Variants in LRRC4C observed in about 807,000 individuals in gnomAD.
LRRC4C encodes leucine-rich repeat-containing protein 4C.
Under a neutral mutation model 33.6 loss-of-function variants are expected in LRRC4C, and 5 were observed. The observed-to-expected ratio is 0.15, with a 90% confidence interval of 0.08 to 0.31. The LOEUF is 0.31. Among genes scored for constraint, LRRC4C ranks in the 10% least tolerant of loss-of-function variants. The probability of loss-of-function intolerance (pLI) is 1.00; values close to 1 mark genes in which losing one functional copy is unlikely to be tolerated. For missense variants in LRRC4C, 560 were observed against 796.7 expected (o/e 0.70, Z 3.58); for synonymous variants, 329 against 302.0 (o/e 1.09, Z -0.93).
intron 3 of LRRC4C, among the ~76,000 whole-genome samples, chr11:40,570,953 A>G (rs566429926): frequency 6.6e-6 from 1 of 152,296 alleles, no homozygotes; most frequent in Admixed American, 6.5e-5. Context: ...GCTAAAATAC[A>G]ATTTTCTATA....
chr11:40,756,144 G>A (rs2137029310), intron 2 of LRRC4C, among the ~76,000 whole-genome samples: 1 of 152,098 alleles, frequency 6.6e-6, no homozygotes, highest in South Asian at 2.1e-4. Flanking sequence ...TTCCCTTATG[G>A]CACTTAGAGG....
intron 1 of LRRC4C, among the ~76,000 whole-genome samples, chr11:41,417,613 G>C (rs1408472402): frequency 6.6e-6 from 1 of 151,898 alleles, no homozygotes; most frequent in Non-Finnish European, 1.5e-5. Context: ...CTCAGGACCA[G>C]GATCTAAAGT....
intron 1 of LRRC4C, among the ~76,000 whole-genome samples, chr11:41,095,798 G>A (rs1406708424): frequency 1.3e-5 from 2 of 152,186 alleles, no homozygotes; most frequent in Non-Finnish European, 2.9e-5. Context: ...AGCTTTATTA[G>A]TGATAACGGT....
chr11:40,270,102 GAT>G (rs1942578611), intron 4 of LRRC4C, among the ~76,000 whole-genome samples: 1 of 152,146 alleles, frequency 6.6e-6, no homozygotes, highest in Admixed American at 6.6e-5. Flanking sequence ...TGCTGGTGGA[GAT>G]AAGGGGAGAA....
intron 1 of LRRC4C, among the ~76,000 whole-genome samples, chr11:41,143,998 G>T (rs1288056585): frequency 1.3e-5 from 2 of 152,162 alleles, no homozygotes; most frequent in African/African-American, 4.8e-5. Context: ...TTGAGAATTA[G>T]AAAACTAAGA....
intron 2 of LRRC4C, among the ~76,000 whole-genome samples, chr11:40,887,366 A>G (rs1038604833): frequency 4.6e-5 from 7 of 152,020 alleles, no homozygotes; most frequent in Non-Finnish European, 1.0e-4. Flanking sequence ...AAATAGGATG[A>G]CTAGATGCAC....
chr11:40,348,590 C>T (rs185726515), intron 3 of LRRC4C, among the ~76,000 whole-genome samples: 138 of 152,242 alleles, frequency 9.1e-4, no homozygotes, highest in African/African-American at 3.1e-3. Flanking sequence ...GGGACATTCT[C>T]ATGACCTGCA....
rs557177536 is a variant in LRRC4C, at chr11:40,159,490, T to C, written c.-95-18637A>G. Among the ~76,000 whole-genome samples, 4 of 152,294 alleles carry C rather than the reference T, an allele frequency of 2.6e-5. No homozygotes were observed. In the East Asian group the frequency reaches 5.8e-4, roughly 22 times the overall value. Reference sequence around the variant, plus strand: ...AAGAGAAACATGAGGAAACTGATTATACCAGATTAAGAAATCTTCCTTAGA... The same window carrying C: ...AAGAGAAACATGAGGAAACTGATTACACCAGATTAAGAAATCTTCCTTAGA... On this transcript the variant is annotated intron_variant, in intron 5 of 6. Coordinates refer to ENST00000528697, the MANE Select transcript of LRRC4C (RefSeq NM_001258419.2).
chr11:40,898,372 A>AAAAAAAAAAAAAT, intron 2 of LRRC4C, among the ~76,000 whole-genome samples: 1 of 150,032 alleles, frequency 6.7e-6, no homozygotes, highest in African/African-American at 2.5e-5. Context: ...AAAAAAAAAA[A>AAAAAAAAAAAAAT]GAAAAAAGAA....
intron 2 of LRRC4C, among the ~76,000 whole-genome samples, chr11:40,848,883 C>A (rs1422549409): frequency 6.6e-6 from 1 of 152,128 alleles, no homozygotes; most frequent in Non-Finnish European, 1.5e-5. Flanking sequence ...GAATTAATCC[C>A]TTTACCATTA....
chr11:40,213,902 C>T (rs983463527), intron 5 of LRRC4C, among the ~76,000 whole-genome samples: 7 of 151,636 alleles, frequency 4.6e-5, no homozygotes, highest in East Asian at 3.9e-4. Context: ...TATGGTAGAT[C>T]GTATGATCCC....
intron 2 of LRRC4C, among the ~76,000 whole-genome samples, chr11:40,701,798 T>C (rs1292432670): frequency 2.0e-5 from 3 of 151,822 alleles, no homozygotes; most frequent in African/African-American, 7.2e-5. Context: ...TGATTTGTTA[T>C]TTAGATGAGT....
At chr11:40,920,409 T>C (rs1957122559) in intron 2 of LRRC4C, among the ~76,000 whole-genome samples, 1 of 152,192 alleles carries the variant, frequency 6.6e-6, no homozygotes, top group Non-Finnish European at 1.5e-5. Context: ...AATTTATAAC[T>C]ATCTATAAGC....
intron 4 of LRRC4C, among the ~76,000 whole-genome samples, chr11:40,273,269 G>GT (rs1942841813): frequency 6.6e-6 from 1 of 152,094 alleles, no homozygotes; most frequent in South Asian, 2.1e-4. Context: ...AGGTAATGTG[G>GT]TAAGTGTTAT....
intron 2 of LRRC4C, among the ~76,000 whole-genome samples, chr11:40,753,333 C>T (rs868256043): frequency 6.6e-6 from 1 of 151,716 alleles, no homozygotes; most frequent in Non-Finnish European, 1.5e-5. Flanking sequence ...GATGGATACC[C>T]TCAAATACCC....
chr11:41,248,646 A>G (rs1399875539), intron 1 of LRRC4C, among the ~76,000 whole-genome samples: 1 of 151,950 alleles, frequency 6.6e-6, no homozygotes, highest in Non-Finnish European at 1.5e-5. Context: ...TATTATACTT[A>G]CTTCCTAAAT....
chr11:41,283,924 G>A (rs1255439533), intron 1 of LRRC4C, among the ~76,000 whole-genome samples: 1 of 152,096 alleles, frequency 6.6e-6, no homozygotes, highest in Non-Finnish European at 1.5e-5. Flanking sequence ...ATCTTTTAGG[G>A]TTTTTGTAAT....
At chr11:40,310,774 C>A (rs555347926) in intron 4 of LRRC4C, among the ~76,000 whole-genome samples, 1 of 152,090 alleles carries the variant, frequency 6.6e-6, no homozygotes, top group Non-Finnish European at 1.5e-5. Flanking sequence ...GATTTAAAGT[C>A]AAAGCCTTTA....
At chr11:41,192,047 G>A (rs1035188995) in intron 1 of LRRC4C, among the ~76,000 whole-genome samples, 4 of 152,080 alleles carry the variant, frequency 2.6e-5, no homozygotes, top group African/African-American at 9.7e-5. Context: ...TTGGACCCTA[G>A]ATAGCCACAC....
Sources: allele counts gnomAD v4.1 joint callset (sites outside exome capture counted in the v4.1 genomes callset), GRCh38; gene constraint gnomAD v4.1.1; transcripts MANE v1.5; gene names NCBI Gene and HGNC (gene_info 2026-07-23, HGNC 2026-07-21).